The following FTCDNL1 variants were observed in gnomAD, a reference collection of about 807,000 sequenced individuals.
FTCDNL1 encodes formiminotransferase cyclodeaminase N-terminal like.
In FTCDNL1, 11 loss-of-function variants were observed where a neutral mutation model predicts 5.9. That is an observed-to-expected ratio of 1.87 (90% CI 1.18 to 3.10). The LOEUF is 3.10. Ranked by LOEUF, FTCDNL1 falls within the 30% of genes most tolerant of loss-of-function variation. The pLI is 0.00. For missense variants in FTCDNL1, 115 were observed against 65.5 expected (o/e 1.76, Z -2.61); for synonymous variants, 58 against 24.8 (o/e 2.34, Z -3.99).
the FTCDNL1 span, among the ~76,000 whole-genome samples, chr2:199,731,004 T>C: frequency 6.6e-6 from 1 of 152,224 alleles, no homozygotes; most frequent in African/African-American, 2.4e-5. Context: ...CATGGAATAC[T>C]ATGCAGCCAT....
intron 3 of FTCDNL1, among the ~76,000 whole-genome samples, chr2:199,781,685 T>G (rs1699368272): frequency 6.6e-6 from 1 of 152,248 alleles, no homozygotes; most frequent in Non-Finnish European, 1.5e-5. Flanking sequence ...TGATTCTCTT[T>G]CCTGTGGAAG....
chr2:199,710,959 A>G, the FTCDNL1 span, among the ~76,000 whole-genome samples: 1 of 152,090 alleles, frequency 6.6e-6, no homozygotes, highest in Non-Finnish European at 1.5e-5. Context: ...AGATTAAATA[A>G]AATGCACTGA....
At chr2:199,685,549 C>T in the FTCDNL1 span, among the ~76,000 whole-genome samples, 1 of 152,098 alleles carries the variant, frequency 6.6e-6, no homozygotes, top group Non-Finnish European at 1.5e-5. Flanking sequence ...TGACTGATCA[C>T]GGTTAGAGTC....
the FTCDNL1 span, among the ~76,000 whole-genome samples, chr2:199,725,207 C>G: frequency 2.0e-5 from 3 of 152,212 alleles, no homozygotes; most frequent in South Asian, 6.2e-4. Context: ...ATTGCAACCC[C>G]TGGTTTTTTC....
intron 3 of FTCDNL1, among the ~76,000 whole-genome samples, chr2:199,779,552 C>A (rs1699256251): frequency 6.6e-6 from 1 of 152,206 alleles, no homozygotes; most frequent in African/African-American, 2.4e-5. Flanking sequence ...AATCCATCTG[C>A]CTCTCTTGAA....
chr2:199,816,290 A>G (rs564888949), intron 4 of FTCDNL1, among the ~76,000 whole-genome samples: 1 of 152,284 alleles, frequency 6.6e-6, no homozygotes, highest in Non-Finnish European at 1.5e-5. Flanking sequence ...TTCTTCCACA[A>G]GCTAAGGTTT....
At chr2:199,789,228 A>T (rs1210979019) in intron 3 of FTCDNL1, among the ~76,000 whole-genome samples, 1 of 152,154 alleles carries the variant, frequency 6.6e-6, no homozygotes, top group Non-Finnish European at 1.5e-5. Context: ...CAGTGAATAT[A>T]CTACAAATAC....
the FTCDNL1 span, among the ~76,000 whole-genome samples, chr2:199,729,459 T>C: frequency 6.6e-6 from 1 of 152,284 alleles, no homozygotes; most frequent in East Asian, 1.9e-4. Context: ...AACCCCAACG[T>C]CTCAGCCCAA....
At chr2:199,833,102 G>A (rs1702482870) in intron 3 of FTCDNL1, among the ~76,000 whole-genome samples, 1 of 151,954 alleles carries the variant, frequency 6.6e-6, no homozygotes, top group Non-Finnish European at 1.5e-5. Flanking sequence ...CCAAGTAGCT[G>A]AGATTAGAGG....
chr2:199,710,936 T>C, the FTCDNL1 span, among the ~76,000 whole-genome samples: 1 of 152,192 alleles, frequency 6.6e-6, no homozygotes, highest in African/African-American at 2.4e-5. Flanking sequence ...CTATGTTCTA[T>C]AGAGTGCCAC....
the FTCDNL1 span, among the ~76,000 whole-genome samples, chr2:199,666,910 C>CAAAA: frequency 1.0e-5 from 1 of 99,426 alleles, no homozygotes. Flanking sequence ...GAGTCCATCT[C>CAAAA]AAAAAAAAAA....
chr2:199,733,510 A>G, the FTCDNL1 span, among the ~76,000 whole-genome samples: 6 of 152,218 alleles, frequency 3.9e-5, no homozygotes, highest in African/African-American at 1.4e-4. Flanking sequence ...AAAGAGCATC[A>G]CTGGAAATCT....
the FTCDNL1 span, among the ~76,000 whole-genome samples, chr2:199,676,713 C>T: frequency 2.0e-5 from 3 of 152,124 alleles, no homozygotes; most frequent in African/African-American, 4.8e-5. Flanking sequence ...GATATCCTGA[C>T]TTATGTTCTT....
At chr2:199,850,070 C>G (rs893544155) in intron 1 of FTCDNL1, among the ~76,000 whole-genome samples, 7 of 152,160 alleles carry the variant, frequency 4.6e-5, no homozygotes, top group African/African-American at 1.7e-4. Flanking sequence ...GGCTTGTTCG[C>G]CAGGATCATT....
chr2:199,851,095 G>A lies in FTCDNL1; in HGVS notation c.-363C>T, dbSNP rs1489455301. The A allele has an allele frequency of 2.1e-5, 3 of 144,352 alleles. No homozygotes were observed. The highest frequency in any genetic ancestry group is 3.1e-5 in the Non-Finnish European group (2 of 64,002). 8.9% of individuals were successfully genotyped at this position (144,352 alleles called of 1,614,324 possible). A position where few individuals can be genotyped will look rare whatever the true frequency, so the allele number is the denominator to read the frequency against. On this transcript the variant is annotated 5_prime_UTR_variant, in exon 1 of 5. Transcript: ENST00000420128. The stretch of plus-strand genomic sequence containing the variant: ...ACCTGCGAGCGCCGAAGGGCGGTGG[G>A]GCAGGGCGACCGCCCAGCCCAAGTC...
chr2:199,815,040 C>G (rs1235824177), intron 4 of FTCDNL1, among the ~76,000 whole-genome samples: 1 of 152,186 alleles, frequency 6.6e-6, no homozygotes, highest in East Asian at 1.9e-4. Flanking sequence ...CATTTTTAAA[C>G]AATGATGCAT....
the FTCDNL1 span, among the ~76,000 whole-genome samples, chr2:199,739,181 C>G: frequency 6.6e-6 from 1 of 152,170 alleles, no homozygotes; most frequent in South Asian, 2.1e-4. Flanking sequence ...AAGTTTGAAG[C>G]AGTGTGGCTA....
chr2:199,765,556 A>ATATATTTTTT, intron 3 of FTCDNL1, among the ~76,000 whole-genome samples: 7 of 42,654 alleles, frequency 1.6e-4, no homozygotes, highest in South Asian at 1.9e-3. Flanking sequence ...ATATATATAT[A>ATATATTTTTT]TTTTTTTTTT....
intron 3 of FTCDNL1, among the ~76,000 whole-genome samples, chr2:199,831,735 G>A (rs1290536217): frequency 1.3e-5 from 2 of 152,164 alleles, no homozygotes; most frequent in African/African-American, 4.8e-5. Context: ...GTGATCAGAG[G>A]TGAATTTTAA....
Sources: allele counts gnomAD v4.1 joint callset (sites outside exome capture counted in the v4.1 genomes callset), GRCh38; gene constraint gnomAD v4.1.1; transcripts MANE v1.5; gene names NCBI Gene and HGNC (gene_info 2026-07-23, HGNC 2026-07-21).